The following C1orf105 variants were observed in gnomAD, a reference collection of about 807,000 sequenced individuals.
C1orf105 encodes chromosome 1 open reading frame 105.
C1orf105 carries 17 observed loss-of-function variants against 20.8 expected under a neutral mutation model. The observed-to-expected ratio is 0.82, with a 90% CI of 0.56 to 1.23. C1orf105 has a LOEUF of 1.23. Among genes scored for constraint, C1orf105 ranks in the 50% most tolerant of loss-of-function variants. The pLI, the probability that C1orf105 is intolerant of heterozygous loss-of-function variation, is 0.00. For missense variants in C1orf105, 219 were observed against 213.5 expected, an observed-to-expected ratio of 1.03 and a Z score of -0.16; for synonymous variants, 72 against 72.1, an observed-to-expected ratio of 1.00 and a Z score of 0.01.
intron 3 of C1orf105, chr1:172,453,027 G>C: frequency 6.4e-7 from 1 of 1,550,530 alleles, no homozygotes; most frequent in Non-Finnish European, 8.7e-7. Flanking sequence ...ACAGAATGGA[G>C]GAAATGAGGC....
intron 6 of C1orf105, 72 bp from the exon 7 acceptor site, chr1:172,468,377 T>C (rs554328092): frequency 1.6e-6 from 2 of 1,231,744 alleles, no homozygotes; most frequent in East Asian, 5.1e-5. Flanking sequence ...TGGCCTGTGG[T>C]TATTTTGAGC....
At chr1:172,437,847 T>A (rs1410836836) in intron 1 of C1orf105, among the ~76,000 whole-genome samples, 1 of 152,018 alleles carries the variant, frequency 6.6e-6, no homozygotes, top group Non-Finnish European at 1.5e-5. Flanking sequence ...TAAAAAAGCC[T>A]TCTATTGGAA....
At chr1:172,422,075 C>A (rs777867065) in intron 1 of C1orf105, among the ~76,000 whole-genome samples, 2 of 152,086 alleles carry the variant, frequency 1.3e-5, no homozygotes, top group Non-Finnish European at 1.5e-5. Flanking sequence ...CTGCAATACC[C>A]AGGCAAGTCC....
chr1:172,465,353 C>T lies in C1orf105; in HGVS notation c.396C>T (p.Asp132=). 2 of 1,610,240 alleles carry T rather than the reference C, an allele frequency of 1.2e-6. No homozygotes were observed. Among genetic ancestry groups the T allele is most frequent in the Non-Finnish European group, 1.7e-6 (2 of 1,176,462 alleles). Reference sequence around the variant, plus strand: ...CTACACCTGAGCCTTTCCATGATGACATCCCAACAGGTTTGCTTTCTTTTA... The same window carrying T: ...CTACACCTGAGCCTTTCCATGATGATATCCCAACAGGTTTGCTTTCTTTTA... ...FQTTPEPFHD[D]IPTESIHYRL... is the part of the protein sequence containing the mutation. The change falls in exon 6 of 7, where the codon GAC becomes GAT. Residue 132 remains aspartate (D), a synonymous_variant. Transcript: ENST00000367727.
At chr1:172,420,969 G>C in intron 1 of C1orf105, 63 bp downstream of exon 1, 1 of 1,473,174 alleles carries the variant, frequency 6.8e-7, no homozygotes, top group East Asian at 2.3e-5. Flanking sequence ...GTAAATGTTT[G>C]TATGCCTTGG....
At chr1:172,448,329 A>T (rs1648239861) in intron 2 of C1orf105, 112 bp from the exon 3 acceptor site, 1 of 704,304 alleles carries the variant, frequency 1.4e-6, no homozygotes, top group South Asian at 1.8e-5. Flanking sequence ...CCAGAACTGG[A>T]GTGGAAGATA....
intron 3 of C1orf105, among the ~76,000 whole-genome samples, chr1:172,452,590 T>C (rs1648771926): frequency 6.6e-6 from 1 of 152,262 alleles, no homozygotes; most frequent in Admixed American, 6.5e-5. Flanking sequence ...TATTTCTCTG[T>C]TTCTTTACCA....
intron 1 of C1orf105, among the ~76,000 whole-genome samples, chr1:172,425,795 A>AT (rs1283968562): frequency 1.3e-5 from 2 of 152,172 alleles, no homozygotes; most frequent in Admixed American, 6.5e-5. Flanking sequence ...GAGCAATAAT[A>AT]TGCTCATGAG....
chr1:172,462,636 A>C (rs934371548), intron 5 of C1orf105, among the ~76,000 whole-genome samples: 5 of 152,228 alleles, frequency 3.3e-5, no homozygotes, highest in Admixed American at 2.6e-4. Context: ...GCTACGTTTT[A>C]GTAACTAAAA....
In C1orf105 at chr1:172,420,685, A is replaced by C; in HGVS notation, c.-201A>C. 1.7e-6 allele frequency: 1 copy of C among 579,030 alleles called. No individual in the cohort carries two copies. The highest frequency in any genetic ancestry group is 2.0e-5 in the South Asian group (1 of 50,070). The allele number at this position is 579,030 out of a possible 1,614,324, so 35.9% of individuals were successfully genotyped here. On this transcript the variant is annotated 5_prime_UTR_variant, in exon 1 of 7. Coordinates refer to ENST00000367727, the MANE Select transcript of C1orf105 (RefSeq NM_139240.4). ...CATTCTGAATGGAATTATATGATTC[A>C]AGATGTAAATCACACAGATGTTGGT...
At chr1:172,447,308 A>AC (rs1451439609) in intron 2 of C1orf105, among the ~76,000 whole-genome samples, 2 of 152,202 alleles carry the variant, frequency 1.3e-5, no homozygotes, top group African/African-American at 4.8e-5. Flanking sequence ...ATGGAAACAC[A>AC]CCTACAGGGT....
rs1649258553 is a variant in C1orf105, at chr1:172,456,445, C to T, written c.229C>T (p.Leu77Phe). Reference protein sequence around the residue: ...ARRNQCDSMLLRNQQLCSTCQ... With the variant: ...ARRNQCDSMLFRNQQLCSTCQ... ...GAGGAACCAGTGTGACTCCATGCTG[C>T]TCAGAAACCAACAGCTGTGCTCCAC... Residue 77 changes from leucine (L) to phenylalanine (F), a missense_variant, in exon 4 of 7, where the codon CTC becomes TTC. Transcript: ENST00000367727. 6.2e-7 allele frequency: 1 copy of T among 1,613,496 alleles called. No homozygotes were observed. The highest frequency in any genetic ancestry group is 1.3e-5 in the African/African-American group (1 of 74,942).
intron 1 of C1orf105, among the ~76,000 whole-genome samples, chr1:172,423,883 T>C (rs1431293021): frequency 1.3e-5 from 2 of 152,056 alleles, no homozygotes; most frequent in East Asian, 3.9e-4. Flanking sequence ...AAGAAAGAAT[T>C]AGTGAGCTTG....
chr1:172,441,870 G>A lies in C1orf105; in HGVS notation c.22-3203G>A, dbSNP rs570199820. On this transcript the variant is annotated intron_variant, in intron 1 of 6. Coordinates refer to ENST00000367727, the MANE Select transcript of C1orf105 (RefSeq NM_139240.4). ...ACATCAGCAGAAGGGCAAAGAGTAC[G>A]GCTCCCACAGCACTAATGGACAGTA... is the stretch of plus-strand genomic sequence containing the variant. 8 of 1,614,134 alleles carry A rather than the reference G, an allele frequency of 5.0e-6. No individual in the cohort carries two copies. Among genetic ancestry groups the A allele is most frequent in the African/African-American group, 2.7e-5 (2 of 75,008 alleles).
At chr1:172,433,156 G>T (rs1020526937) in intron 1 of C1orf105, among the ~76,000 whole-genome samples, 2 of 152,234 alleles carry the variant, frequency 1.3e-5, no homozygotes, top group African/African-American at 4.8e-5. Context: ...GTACCTGAAA[G>T]TGATGGGGAG....
rs117451436 is a variant in C1orf105, at chr1:172,466,473, C to T, written c.406+1110C>T. Among the ~76,000 whole-genome samples, 7 of 152,182 alleles carry T rather than the reference C, an allele frequency of 4.6e-5. No homozygotes were observed. In the East Asian group the frequency reaches 1.3e-3, roughly 29 times the overall value. The stretch of plus-strand genomic sequence containing the variant: ...AGAGAACATGGGTGATAGGCATGTG[C>T]AGTTGATTTCATAGTTATCTGTGCC... On this transcript the variant is annotated intron_variant, in intron 6 of 6. Coordinates refer to ENST00000367727, the MANE Select transcript of C1orf105 (RefSeq NM_139240.4).
chr1:172,448,038 C>G (rs1463271473), intron 2 of C1orf105, among the ~76,000 whole-genome samples: 4 of 152,188 alleles, frequency 2.6e-5, no homozygotes, highest in Non-Finnish European at 4.4e-5. Context: ...TGGATTGTTT[C>G]AGGGTGCAAG....
chr1:172,435,427 A>C (rs2072008712), intron 1 of C1orf105, among the ~76,000 whole-genome samples: 1 of 152,230 alleles, frequency 6.6e-6, no homozygotes, highest in African/African-American at 2.4e-5. Context: ...CCTGGGATGC[A>C]AGGCTGGTTC....
chr1:172,456,334 C>G (rs959310861), intron 3 of C1orf105, 81 bp from the exon 4 acceptor site: 2 of 1,185,726 alleles, frequency 1.7e-6, no homozygotes, highest in African/African-American at 3.0e-5. Flanking sequence ...CCTCTCTCAC[C>G]CCTCCACTGC....
Sources: allele counts gnomAD v4.1 joint callset (sites outside exome capture counted in the v4.1 genomes callset), GRCh38; gene constraint gnomAD v4.1.1; transcripts MANE v1.5; gene names NCBI Gene and HGNC (gene_info 2026-07-23, HGNC 2026-07-21).